CNOT4: variants seen among roughly 807,000 people sequenced by gnomAD.
CNOT4 encodes the protein CCR4-associated factor 4.
A neutral mutation model predicts 73.8 loss-of-function variants in CNOT4; 8 were observed. The observed-to-expected ratio is 0.11, with a 90% CI of 0.06 to 0.20. The LOEUF is 0.20. CNOT4 is among the 10% of genes least tolerant of loss of function. The probability of loss-of-function intolerance (pLI) is 1.00; values close to 1 mark genes in which losing one functional copy is unlikely to be tolerated. For synonymous variants in CNOT4, 293 were observed against 321.1 expected (o/e 0.91, Z 0.94); for missense variants, 564 against 883.4 (o/e 0.64, Z 4.58).
intron 8 of CNOT4, 61 bp downstream of exon 8, chr7:135,398,108 T>C (rs1049250943): frequency 5.6e-6 from 5 of 893,428 alleles, no homozygotes; most frequent in South Asian, 4.2e-5. Context: ...TTCACCTGCA[T>C]GGAATACCTT....
At chr7:135,456,609 T>C (rs1043859569) in intron 1 of CNOT4, among the ~76,000 whole-genome samples, 1 of 152,128 alleles carries the variant, frequency 6.6e-6, no homozygotes, top group Non-Finnish European at 1.5e-5. Flanking sequence ...AAGTCCCTTA[T>C]ATAAAATGGT....
At chr7:135,426,602 CAAAAA>C (rs35332719) in intron 2 of CNOT4, among the ~76,000 whole-genome samples, 1 of 111,052 alleles carries the variant, frequency 9.0e-6, no homozygotes. Context: ...GACTCCGTCT[CAAAAA>C]AAAAAAAAAA....
Position 135,416,542 on chromosome 7 carries a change from G to C in CNOT4, c.373-1280C>G, listed in dbSNP as rs111905281. ...TTAAGTCATCCGTAGCAAAGTCTCA[G>C]GGTTGATAAAGAGAGAAGAGCAGAG... On this transcript the variant is annotated intron_variant, in intron 3 of 11. Transcript: ENST00000541284. 3.3e-5 allele frequency among the ~76,000 whole-genome samples: 5 copies of C among 152,276 alleles called. 1 individual carries two copies. The highest frequency in any genetic ancestry group is 9.6e-5 in the African/African-American group (4 of 41,558).
At chr7:135,406,682 C>G (rs1797307118) in intron 7 of CNOT4, among the ~76,000 whole-genome samples, 1 of 151,996 alleles carries the variant, frequency 6.6e-6, no homozygotes, top group Admixed American at 6.6e-5. Context: ...CTGGTCCCAG[C>G]TGAGGTTCTG....
intron 1 of CNOT4, among the ~76,000 whole-genome samples, chr7:135,453,826 T>TTTTATATATATATATATATATA (rs1275359797): frequency 1.1e-5 from 1 of 89,902 alleles, no homozygotes; most frequent in Admixed American, 1.4e-4. Flanking sequence ...TATATATATT[T>TTTTATATATATATATATATATA]TATATATATA....
rs150503783 is a variant in CNOT4, at chr7:135,381,102, T to C, written c.1627+12816A>G. ...GGTCTTTGGTTCCTTCAAAAAAAAA[T>C]TGGAGAAAGACAATAAAGATACAGC... On this transcript the variant is annotated intron_variant, in intron 10 of 11. Transcript: ENST00000541284. Among the ~76,000 whole-genome samples, 161 of 152,088 alleles carry C rather than the reference T, an allele frequency of 1.1e-3. 1 individual carries two copies. The East Asian group carries it at 0.023, about 22-fold the overall frequency.
intron 10 of CNOT4, chr7:135,388,888 T>G: frequency 6.2e-7 from 1 of 1,612,718 alleles, no homozygotes; most frequent in Middle Eastern, 1.7e-4. Flanking sequence ...CTTCACCTCT[T>G]CTTCCCCTGT....
intron 1 of CNOT4, among the ~76,000 whole-genome samples, chr7:135,453,022 T>TG (rs1305730269): frequency 6.6e-6 from 1 of 152,138 alleles, no homozygotes; most frequent in Non-Finnish European, 1.5e-5. Flanking sequence ...CAGTTTTATT[T>TG]GGGGGAAAAA....
chr7:135,448,086 G>A (rs190132117), intron 1 of CNOT4, among the ~76,000 whole-genome samples: 1 of 152,228 alleles, frequency 6.6e-6, no homozygotes, highest in East Asian at 1.9e-4. Flanking sequence ...TGCAAGGGGG[G>A]AAACAGAAAT....
chr7:135,384,021 T>C (rs1412729512), intron 10 of CNOT4, among the ~76,000 whole-genome samples: 2 of 152,230 alleles, frequency 1.3e-5, no homozygotes, highest in African/African-American at 2.4e-5. Context: ...ATTTCAACTT[T>C]AGAGATCTTT....
chr7:135,375,372 T>C (rs1334156459), intron 10 of CNOT4, among the ~76,000 whole-genome samples: 3 of 152,172 alleles, frequency 2.0e-5, no homozygotes, highest in Non-Finnish European at 2.9e-5. Flanking sequence ...AGAAGTTCAA[T>C]TGGTAAAAGA....
At chr7:135,451,719 G>A (rs1019005979) in intron 1 of CNOT4, among the ~76,000 whole-genome samples, 1 of 152,176 alleles carries the variant, frequency 6.6e-6, no homozygotes, top group Admixed American at 6.5e-5. Context: ...ATAAAGAAGG[G>A]AATGGGAGCA....
chr7:135,464,937 C>G (rs1055918227), intron 1 of CNOT4, among the ~76,000 whole-genome samples: 1 of 151,730 alleles, frequency 6.6e-6, no homozygotes, highest in African/African-American at 2.4e-5. Context: ...TCCTAAGGTA[C>G]AAGAAACACA....
At chr7:135,433,350 C>CT (rs954189759) in intron 2 of CNOT4, among the ~76,000 whole-genome samples, 2,297 of 114,436 alleles carry the variant, frequency 0.02, 72 homozygotes, top group African/African-American at 0.056. Context: ...TCATCCTGTT[C>CT]TTTTTTTTTT....
At chr7:135,429,055 T>C (rs1490478014) in intron 2 of CNOT4, among the ~76,000 whole-genome samples, 1 of 152,152 alleles carries the variant, frequency 6.6e-6, no homozygotes, top group Non-Finnish European at 1.5e-5. Context: ...CATTGTCTAC[T>C]TCATCTATTT....
chr7:135,411,360 A>G (rs1310352909), intron 6 of CNOT4, among the ~76,000 whole-genome samples: 3 of 152,050 alleles, frequency 2.0e-5, no homozygotes, highest in African/African-American at 7.2e-5. Context: ...CAAAGGCAGG[A>G]TGTAGTAGTG....
chr7:135,372,560 T>G (rs989962104), intron 10 of CNOT4, among the ~76,000 whole-genome samples: 3 of 151,630 alleles, frequency 2.0e-5, no homozygotes, highest in Admixed American at 1.3e-4. Flanking sequence ...ACCATGTTTT[T>G]TTTTTTTTTT....
chr7:135,396,153 T>C (rs1796678138), intron 8 of CNOT4, among the ~76,000 whole-genome samples: 1 of 132,126 alleles, frequency 7.6e-6, no homozygotes, highest in Non-Finnish European at 1.6e-5. Context: ...AGTCTCACTC[T>C]GTTGCCCAGG....
chr7:135,480,834 T>C (rs1347257185), intron 1 of CNOT4, among the ~76,000 whole-genome samples: 2 of 144,070 alleles, frequency 1.4e-5, no homozygotes, highest in Admixed American at 7.2e-5. Context: ...GCCAAGAGCA[T>C]ACACTGAAGA....
Sources: allele counts gnomAD v4.1 joint callset (sites outside exome capture counted in the v4.1 genomes callset), GRCh38; gene constraint gnomAD v4.1.1; transcripts MANE v1.5; gene names NCBI Gene and HGNC (gene_info 2026-07-23, HGNC 2026-07-21).